SPMIP3: variants seen among roughly 807,000 people sequenced by gnomAD.
SPMIP3 encodes protein SPMIP3.
chr1:244,363,427 T>C, the SPMIP3 span, among the ~76,000 whole-genome samples: 1 of 140,274 alleles, frequency 7.1e-6, no homozygotes, highest in South Asian at 2.3e-4. Context: ...AACAATCAGA[T>C]GTGATATGAA....
chr1:244,363,133 C>T, the SPMIP3 span, among the ~76,000 whole-genome samples: 5 of 151,792 alleles, frequency 3.3e-5, no homozygotes, highest in Non-Finnish European at 2.9e-5. Flanking sequence ...GGGCCAGGTA[C>T]GGTGGCTCAT....
the SPMIP3 span, among the ~76,000 whole-genome samples, chr1:244,357,347 A>G: frequency 2.0e-5 from 3 of 152,122 alleles, no homozygotes; most frequent in East Asian, 5.8e-4. Context: ...GGTGGAGTGG[A>G]GTCTTATTTT....
chr1:244,358,698 G>A, the SPMIP3 span, among the ~76,000 whole-genome samples: 9 of 151,896 alleles, frequency 5.9e-5, no homozygotes, highest in African/African-American at 2.2e-4. Context: ...AGAATTCATG[G>A]ATGGTTCTAA....
the SPMIP3 span, chr1:244,375,297 C>A: frequency 8.3e-7 from 1 of 1,203,372 alleles, no homozygotes; most frequent in Non-Finnish European, 1.2e-6. Context: ...TTGTATTATG[C>A]CGCAGCTGGC....
At chr1:244,378,708 G>C in the SPMIP3 span, 2,335 of 1,494,160 alleles carry the variant, frequency 1.6e-3, 2 homozygotes, top group Non-Finnish European at 2.0e-3. Context: ...AGCATCTCCT[G>C]TAGGCTTGCT....
the SPMIP3 span, among the ~76,000 whole-genome samples, chr1:244,380,856 T>C: frequency 6.7e-6 from 1 of 149,416 alleles, no homozygotes; most frequent in East Asian, 2.0e-4. Flanking sequence ...CTTGGGGGAG[T>C]TGAGCCAGGG....
the SPMIP3 span, among the ~76,000 whole-genome samples, chr1:244,368,986 C>G: frequency 6.6e-6 from 1 of 152,110 alleles, no homozygotes; most frequent in Non-Finnish European, 1.5e-5. Flanking sequence ...GGTAAAACCC[C>G]GTCTCTACTA....
At chr1:244,361,121 G>T in the SPMIP3 span, among the ~76,000 whole-genome samples, 2 of 151,992 alleles carry the variant, frequency 1.3e-5, no homozygotes, top group African/African-American at 4.8e-5. Context: ...GGGAATAAAC[G>T]GTGGATGGTT....
chr1:244,376,058 C>A, the SPMIP3 span, among the ~76,000 whole-genome samples: 3 of 152,156 alleles, frequency 2.0e-5, no homozygotes, highest in African/African-American at 7.2e-5. Context: ...ACCTACTTTA[C>A]AAGGTCAGGT....
the SPMIP3 span, chr1:244,388,853 G>T: frequency 4.4e-6 from 4 of 916,986 alleles, no homozygotes; most frequent in South Asian, 6.5e-5. Flanking sequence ...AACCCCAAAA[G>T]TTATTTTGTT....
the SPMIP3 span, among the ~76,000 whole-genome samples, chr1:244,377,509 T>C: frequency 6.6e-6 from 1 of 152,220 alleles, no homozygotes; most frequent in Non-Finnish European, 1.5e-5. Context: ...ATGCAAGTTG[T>C]CCCACTCTTT....
the SPMIP3 span, among the ~76,000 whole-genome samples, chr1:244,377,249 G>C: frequency 6.6e-6 from 1 of 151,984 alleles, no homozygotes; most frequent in Admixed American, 6.6e-5. Flanking sequence ...AGCCTCCCGA[G>C]TAGCTGGGAC....
chr1:244,378,349 C>G, the SPMIP3 span: 1 of 1,019,180 alleles, frequency 9.8e-7, no homozygotes. Context: ...CTGTGGGAGT[C>G]TTGTCAATAC....
the SPMIP3 span, among the ~76,000 whole-genome samples, chr1:244,388,476 T>C: frequency 3.9e-5 from 6 of 152,112 alleles, no homozygotes; most frequent in Non-Finnish European, 7.3e-5. Flanking sequence ...CTAAATAACA[T>C]AGTGATTGAT....
chr1:244,365,337 T>A, the SPMIP3 span, among the ~76,000 whole-genome samples: 58 of 152,068 alleles, frequency 3.8e-4, no homozygotes, highest in Admixed American at 1.6e-3. Flanking sequence ...TGGTGGGAGG[T>A]AACTGAACCA....
At chr1:244,370,107 A>T in the SPMIP3 span, among the ~76,000 whole-genome samples, 1 of 151,930 alleles carries the variant, frequency 6.6e-6, no homozygotes, top group Non-Finnish European at 1.5e-5. Flanking sequence ...TCCGCCGAGG[A>T]CTCTGTTGCC....
chr1:244,377,080 T>C, the SPMIP3 span, among the ~76,000 whole-genome samples: 1 of 152,026 alleles, frequency 6.6e-6, no homozygotes, highest in African/African-American at 2.4e-5. Context: ...AGTGATGGGA[T>C]TACAGGCATG....
the SPMIP3 span, among the ~76,000 whole-genome samples, chr1:244,374,290 CAT>C: frequency 2.4e-4 from 37 of 152,058 alleles, no homozygotes; most frequent in Admixed American, 2.2e-3. Context: ...CCAGTCCCCA[CAT>C]GTTAGCTCAA....
At chr1:244,360,555 CACATGCAT>C in the SPMIP3 span, among the ~76,000 whole-genome samples, 11,334 of 39,518 alleles carry the variant, frequency 0.29, 828 homozygotes, top group Non-Finnish European at 0.37. Context: ...CACACACACA[CACATGCAT>C]GCATGGAATA....
Sources: gnomAD v4.1 joint callset for allele counts (sites outside exome capture counted in the v4.1 genomes callset) on GRCh38, gnomAD v4.1.1 for gene constraint, MANE v1.5 for transcripts, NCBI Gene and HGNC (gene_info 2026-07-23, HGNC 2026-07-21) for gene names.